FOXO1: variants seen among roughly 807,000 people sequenced by gnomAD.
FOXO1 encodes the protein forkhead box protein O1.
A neutral mutation model predicts 44.1 loss-of-function variants in FOXO1; 6 were observed. That is an observed-to-expected ratio of 0.14 (90% CI 0.07 to 0.27). The LOEUF is 0.27. Ranked by LOEUF, FOXO1 falls within the 10% of genes least tolerant of loss-of-function variation. FOXO1 has a pLI of 1.00. For synonymous variants in FOXO1, 380 were observed against 362.7 expected, an observed-to-expected ratio of 1.05 and a Z score of -0.54; for missense variants, 737 against 888.8, an observed-to-expected ratio of 0.83 and a Z score of 2.17.
intron 1 of FOXO1, among the ~76,000 whole-genome samples, chr13:40,601,901 T>C (rs998088235): frequency 6.6e-6 from 1 of 152,192 alleles, no homozygotes; most frequent in African/African-American, 2.4e-5. Context: ...CATTTTCAAA[T>C]GTTTGCATTT....
Position 40,638,335 on chromosome 13 carries a change from T to C in FOXO1, c.630+27248A>G, listed in dbSNP as rs1287180133. Reference sequence around the variant, plus strand: ...TAAGGAGATAACTTATAGAGGAACGTTGAAGTGATGTAAGGAAGACATTAT... The same window carrying C: ...TAAGGAGATAACTTATAGAGGAACGCTGAAGTGATGTAAGGAAGACATTAT... On this transcript the variant is annotated intron_variant, in intron 1 of 2. Coordinates refer to ENST00000379561, the MANE Select transcript of FOXO1 (RefSeq NM_002015.4). Among the ~76,000 whole-genome samples, 8 of 152,226 alleles carry C rather than the reference T, an allele frequency of 5.3e-5. No individual in the cohort carries two copies. The South Asian group carries it at 1.0e-3, about 20-fold the overall frequency.
intron 1 of FOXO1, among the ~76,000 whole-genome samples, chr13:40,611,478 T>G (rs533628160): frequency 6.6e-6 from 1 of 152,334 alleles, no homozygotes; most frequent in Non-Finnish European, 1.5e-5. Flanking sequence ...AAAATATTCA[T>G]CGCTTCTGCT....
At chr13:40,564,267 T>C (rs1387045649) in intron 1 of FOXO1, among the ~76,000 whole-genome samples, 1 of 147,488 alleles carries the variant, frequency 6.8e-6, no homozygotes, top group African/African-American at 2.5e-5. Flanking sequence ...GTGGGACATA[T>C]ACTAATTTAG....
In FOXO1 at chr13:40,555,870, A is replaced by C. The variant is rs1360349446; in HGVS notation, c.*3179T>G. The C allele has an allele frequency of 6.5e-6, 1 of 152,682 alleles. No individual in the cohort carries two copies. The highest frequency in any genetic ancestry group is 1.5e-5 in the Non-Finnish European group (1 of 68,054). The allele number at this position is 152,682 out of a possible 1,614,324, so 9.5% of individuals were successfully genotyped here. A position where few individuals can be genotyped will look rare whatever the true frequency, so the allele number is the denominator to read the frequency against. ...AGGCACTTCTCAGAGTATCGGAACA[A>C]GAACGTGGAATCTGCACTGTTACTA... On this transcript the variant is annotated 3_prime_UTR_variant, in exon 3 of 3. Transcript: ENST00000379561.
chr13:40,647,337 C>G lies in FOXO1; in HGVS notation c.630+18246G>C, dbSNP rs201956739. On this transcript the variant is annotated intron_variant, in intron 1 of 2. Transcript: ENST00000379561. ...CATTACATTTTGTGGGACTCTTGTG[C>G]AAACATAAGTATAAATAAAATGACA... is the stretch of plus-strand genomic sequence containing the variant. 5.3e-5 allele frequency among the ~76,000 whole-genome samples: 8 copies of G among 152,288 alleles called. No individual in the cohort carries two copies. In the East Asian group the frequency reaches 1.5e-3, roughly 29 times the overall value.
In FOXO1 at chr13:40,558,449, G is replaced by A. The variant is rs1221534795; in HGVS notation, c.*600C>T. The A allele has an allele frequency of 2.4e-5, 4 of 166,162 alleles. No individual in the cohort carries two copies. Among genetic ancestry groups the A allele is most frequent in the Non-Finnish European group, 1.3e-5 (1 of 77,370 alleles). 10.3% of individuals were successfully genotyped at this position (166,162 alleles called of 1,614,324 possible). ...GTTTAACAAGTCCATTAATTTAGCA[G>A]ATTGATAACAGGCTACTTGGTTCTC... On this transcript the variant is annotated 3_prime_UTR_variant, in exon 3 of 3. Coordinates refer to ENST00000379561, the MANE Select transcript of FOXO1 (RefSeq NM_002015.4).
intron 1 of FOXO1, among the ~76,000 whole-genome samples, chr13:40,657,562 G>A (rs1383712784): frequency 6.6e-6 from 1 of 152,068 alleles, no homozygotes; most frequent in Non-Finnish European, 1.5e-5. Context: ...TCTAACTCCT[G>A]ACCTCAAATG....
At chr13:40,610,059 G>A (rs1360463628) in intron 1 of FOXO1, among the ~76,000 whole-genome samples, 7 of 152,088 alleles carry the variant, frequency 4.6e-5, no homozygotes, top group South Asian at 2.1e-4. Flanking sequence ...AACTGTATTC[G>A]ACGTAACTGC....
intron 1 of FOXO1, among the ~76,000 whole-genome samples, chr13:40,582,609 A>G (rs978672182): frequency 1.1e-4 from 16 of 152,240 alleles, no homozygotes; most frequent in African/African-American, 3.9e-4. Flanking sequence ...CATCTTCACC[A>G]GAAGTAGATT....
intron 1 of FOXO1, among the ~76,000 whole-genome samples, chr13:40,589,131 G>C (rs978898642): frequency 6.6e-6 from 1 of 152,040 alleles, no homozygotes; most frequent in Non-Finnish European, 1.5e-5. Context: ...GTAAATAAAT[G>C]AAAGTGTCAC....
At chr13:40,595,100 T>C (rs1196506197) in intron 1 of FOXO1, among the ~76,000 whole-genome samples, 1 of 152,206 alleles carries the variant, frequency 6.6e-6, no homozygotes, top group African/African-American at 2.4e-5. Context: ...TAGCTTCACA[T>C]TGCAAATGAA....
chr13:40,643,234 C>A (rs1877408366), intron 1 of FOXO1, among the ~76,000 whole-genome samples: 2 of 151,462 alleles, frequency 1.3e-5, no homozygotes, highest in African/African-American at 4.9e-5. Flanking sequence ...CCCAGCTACT[C>A]AGGACACTGA....
At chr13:40,662,113 G>A (rs1232131114) in intron 1 of FOXO1, among the ~76,000 whole-genome samples, 1 of 139,380 alleles carries the variant, frequency 7.2e-6, no homozygotes, top group East Asian at 2.2e-4. Flanking sequence ...GGAGGTTGCA[G>A]CAAGCCGAGA....
chr13:40,599,538 C>A (rs1593394489), intron 1 of FOXO1, among the ~76,000 whole-genome samples: 2 of 152,318 alleles, frequency 1.3e-5, no homozygotes, highest in South Asian at 4.1e-4. Context: ...CACTTACTAG[C>A]ACTTATGTTC....
chr13:40,665,835 C>G lies in FOXO1; in HGVS notation c.378G>C (p.Pro126=), dbSNP rs947602897. The change falls in exon 1 of 3, where the codon CCG becomes CCC. Residue 126 remains proline (P), a synonymous_variant. Coordinates refer to ENST00000379561, the MANE Select transcript of FOXO1 (RefSeq NM_002015.4). ...GGTGCTGCGACAGCGGCCCGGGCGG[C>G]GGGGGCTGCGGTGGCGCTGGGTGCA... ...GCLHPAPPQP[P]PPGPLSQHPP... is the part of the protein sequence containing the mutation. 5.1e-4 allele frequency: 586 copies of G among 1,147,396 alleles called. No individual in the cohort carries two copies. Among genetic ancestry groups the G allele is most frequent in the Non-Finnish European group, 5.9e-4 (555 of 933,398 alleles). The allele number at this position is 1,147,396 out of a possible 1,614,324, so 71.1% of individuals were successfully genotyped here. A position where few individuals can be genotyped will look rare whatever the true frequency, so the allele number is the denominator to read the frequency against.
intron 1 of FOXO1, among the ~76,000 whole-genome samples, chr13:40,585,485 T>TCA (rs1012461775): frequency 1.1e-4 from 17 of 152,298 alleles, no homozygotes; most frequent in African/African-American, 4.1e-4. Flanking sequence ...CCCAGCCAGA[T>TCA]CACACCAGCT....
At chr13:40,602,093 T>C (rs982354639) in intron 1 of FOXO1, among the ~76,000 whole-genome samples, 2 of 152,196 alleles carry the variant, frequency 1.3e-5, no homozygotes, top group African/African-American at 4.8e-5. Flanking sequence ...TCTCAATTTA[T>C]TAATATTTTG....
chr13:40,556,344 C>T lies in FOXO1; in HGVS notation c.*2705G>A, dbSNP rs1338369123. 1 of 152,626 alleles carries T rather than the reference C, an allele frequency of 6.6e-6. No individual in the cohort carries two copies. Among genetic ancestry groups the T allele is most frequent in the African/African-American group, 2.4e-5 (1 of 41,448 alleles). The allele number at this position is 152,626 out of a possible 1,614,324, so 9.5% of individuals were successfully genotyped here. On this transcript the variant is annotated 3_prime_UTR_variant, in exon 3 of 3. Coordinates refer to ENST00000379561, the MANE Select transcript of FOXO1 (RefSeq NM_002015.4). ...AAGCAGAACTTTCCAAGTAATACAT[C>T]TATTACCTAAATATATTCCATACGT...
At chr13:40,643,921 T>C (rs1053265531) in intron 1 of FOXO1, among the ~76,000 whole-genome samples, 1 of 152,220 alleles carries the variant, frequency 6.6e-6, no homozygotes, top group Non-Finnish European at 1.5e-5. Flanking sequence ...ACGATGCTAG[T>C]ACCGCAGTGA....
Sources: allele counts gnomAD v4.1 joint callset (sites outside exome capture counted in the v4.1 genomes callset), GRCh38; gene constraint gnomAD v4.1.1; transcripts MANE v1.5; gene names NCBI Gene and HGNC (gene_info 2026-07-23, HGNC 2026-07-21).